The following CDC42SE1 variants were observed in gnomAD, a reference collection of about 807,000 sequenced individuals.
The protein encoded by CDC42SE1 is CDC42 small effector protein 1.
A neutral mutation model predicts 10.9 loss-of-function variants in CDC42SE1; 10 were observed. The observed-to-expected ratio is 0.92, with a 90% CI of 0.57 to 1.56. The LOEUF (loss-of-function observed/expected upper bound fraction) is 1.56, where lower values mean the gene tolerates loss of function less well. Among genes scored for constraint, CDC42SE1 ranks in the 40% most tolerant of loss-of-function variants. The pLI is 0.00. For missense variants in CDC42SE1, 81 were observed against 100.8 expected, an observed-to-expected ratio of 0.80 and a Z score of 0.84; for synonymous variants, 24 against 32.0, an observed-to-expected ratio of 0.75 and a Z score of 0.85.
intron 2 of CDC42SE1, chr1:151,055,432 C>T (rs759564527): frequency 3.0e-5 from 18 of 600,668 alleles, no homozygotes; most frequent in Non-Finnish European, 4.4e-5. Context: ...TATGCAGCTC[C>T]ACCTACAAAC....
rs1676212879 is a variant in CDC42SE1 at position 151,053,087 on chromosome 1, C to T, written c.*257G>A. 1.3e-5 allele frequency: 2 copies of T among 152,742 alleles called. No homozygotes were observed. The highest frequency in any genetic ancestry group is 2.9e-5 in the Non-Finnish European group (2 of 68,118). The allele number at this position is 152,742 out of a possible 1,614,324, so 9.5% of individuals were successfully genotyped here. A position where few individuals can be genotyped will look rare whatever the true frequency, so the allele number is the denominator to read the frequency against. On this transcript the variant is annotated 3_prime_UTR_variant, in exon 5 of 5. Transcript: ENST00000357235. ...ATCTCAGACCTGAGGGTTTCCAGGG[C>T]TTCAGCTGAGCTCCTCTGGCTAACC... is the stretch of plus-strand genomic sequence containing the variant.
At chr1:151,053,830 A>T (rs1402532790) in intron 4 of CDC42SE1, among the ~76,000 whole-genome samples, 2 of 146,290 alleles carry the variant, frequency 1.4e-5, no homozygotes, top group Non-Finnish European at 3.0e-5. Context: ...CCTATCTCCC[A>T]TTCTTTTTTT....
rs1197315153 is a variant in CDC42SE1, at chr1:151,057,292, T to C, written c.-263-1299A>G. 1.3e-5 allele frequency among the ~76,000 whole-genome samples: 2 copies of C among 151,974 alleles called. No individual in the cohort carries two copies. The highest frequency in any genetic ancestry group is 2.4e-5 in the African/African-American group (1 of 41,386). On this transcript the variant is annotated intron_variant, in intron 1 of 4. Coordinates refer to ENST00000357235, the MANE Select transcript of CDC42SE1 (RefSeq NM_020239.4). This position sits in a 1 kb window ranked among gnomAD's most constrained non-coding sequence, Gnocchi z 4.0. The stretch of plus-strand genomic sequence containing the variant: ...ATCCCAGCACTTTGGGAGGCCAAGG[T>C]GGGCGGATCACCTGAGGTCAGGAGT...
rs1175088934 is a variant in CDC42SE1, at chr1:151,059,501, C to T, written c.-286G>A. 3 of 152,442 alleles carry T rather than the reference C, an allele frequency of 2.0e-5. No homozygotes were observed. The highest frequency in any genetic ancestry group is 4.8e-5 in the African/African-American group (2 of 41,464). 9.4% of individuals were successfully genotyped at this position (152,442 alleles called of 1,614,324 possible). On this transcript the variant is annotated 5_prime_UTR_variant, in exon 1 of 5. Transcript: ENST00000357235. ...CACCTGCTCTTCTCCACCATCCAGA[C>T]GTTCAGCTACAGCTGGTGGGGGTGA...
chr1:151,056,132 A>C (rs1676273383), intron 1 of CDC42SE1, 139 bp from the exon 2 acceptor site: 1 of 195,112 alleles, frequency 5.1e-6, no homozygotes. Flanking sequence ...CTCATTCCCA[A>C]ACACTATGAA....
Position 151,051,393 on chromosome 1 carries a change from GAAAAAAA to G in CDC42SE1, c.*1944_*1950del, listed in dbSNP as rs71702880. ...AATGGCAGAAAATACATGGAAATTT[GAAAAAAA>G]AAAAAAAAAAAAAAAAAAAAGAACC... On this transcript the variant is annotated 3_prime_UTR_variant, in exon 5 of 5. Coordinates refer to ENST00000357235, the MANE Select transcript of CDC42SE1 (RefSeq NM_020239.4). The G allele has an allele frequency of 2.1e-4, 7 of 34,098 alleles. No individual in the cohort carries two copies. Among genetic ancestry groups the G allele is most frequent in the South Asian group, 1.9e-3 (1 of 514 alleles). The allele number at this position is 34,098 out of a possible 1,614,324, so 2.1% of individuals were successfully genotyped here. A position where few individuals can be genotyped will look rare whatever the true frequency, so the allele number is the denominator to read the frequency against.
At chr1:151,055,472 G>A (rs1006643717) in intron 2 of CDC42SE1, 7 of 616,382 alleles carry the variant, frequency 1.1e-5, no homozygotes, top group Admixed American at 2.7e-5. Context: ...ACAGGAACAG[G>A]AGGTAATAGC....
chr1:151,051,508 C>CCA lies in CDC42SE1; in HGVS notation c.*1834_*1835dup, dbSNP rs1292367967. ...GATACCAGTTCCTACATTCCTGACC[C>CCA]CACTACCATAAAACAGGATGTTTCC... On this transcript the variant is annotated 3_prime_UTR_variant, in exon 5 of 5. Transcript: ENST00000357235. 1 of 151,402 alleles carries CCA rather than the reference C, an allele frequency of 6.6e-6. No individual in the cohort carries two copies. The highest frequency in any genetic ancestry group is 6.7e-5 in the Admixed American group (1 of 15,012). 9.4% of individuals were successfully genotyped at this position (151,402 alleles called of 1,614,324 possible).
rs1272285984 is a variant in CDC42SE1, at chr1:151,055,062, G to A, written c.119C>T (p.Thr40Ile). 3.7e-6 allele frequency: 6 copies of A among 1,613,818 alleles called. No homozygotes were observed. In the South Asian group the frequency reaches 6.6e-5, roughly 18 times the overall value. Residue 40 changes from threonine (T) to isoleucine (I), a missense_variant, in exon 3 of 5, where the codon ACT (threonine) becomes ATT (isoleucine). Physicochemically the swap from Thr to Ile is moderately conservative, Grantham distance 89. Coordinates refer to ENST00000357235, the MANE Select transcript of CDC42SE1 (RefSeq NM_020239.4). ...CCCCATCTCCCCTGAGCCAATGTGA[G>A]TCAGGTGAACAAAATTCATTGGTTC... is the stretch of plus-strand genomic sequence containing the variant. ...IGEPMNFVHL[T>I]HIGSGEMGAG... is the part of the protein sequence containing the mutation.
At chr1:151,054,794 C>A (rs1676248339) in intron 3 of CDC42SE1, among the ~76,000 whole-genome samples, 1 of 152,080 alleles carries the variant, frequency 6.6e-6, no homozygotes, top group Non-Finnish European at 1.5e-5. Flanking sequence ...ATACCCCCTA[C>A]CCCAGTGAAG....
chr1:151,053,403 C>T (rs772140163), intron 4 of CDC42SE1, 76 bp from the exon 5 acceptor site: 1 of 152,302 alleles, frequency 6.6e-6, no homozygotes, highest in East Asian at 1.9e-4. Flanking sequence ...AAGGCACTAC[C>T]TAGTGCAGAC....
At chr1:151,055,544 C>A in intron 2 of CDC42SE1, 133 bp downstream of exon 2, 1 of 750,858 alleles carries the variant, frequency 1.3e-6, no homozygotes, top group South Asian at 1.5e-5. Context: ...GCTGCCTGAC[C>A]ATAGAAGCTC....
Position 151,052,298 on chromosome 1 carries a change from C to T in CDC42SE1, c.*1046G>A, listed in dbSNP as rs947038005. 5 of 152,358 alleles carry T rather than the reference C, an allele frequency of 3.3e-5. No individual in the cohort carries two copies. The highest frequency in any genetic ancestry group is 7.3e-5 in the Non-Finnish European group (5 of 68,038). The allele number at this position is 152,358 out of a possible 1,614,324, so 9.4% of individuals were successfully genotyped here. A position where few individuals can be genotyped will look rare whatever the true frequency, so the allele number is the denominator to read the frequency against. On this transcript the variant is annotated 3_prime_UTR_variant, in exon 5 of 5. Transcript: ENST00000357235. The stretch of plus-strand genomic sequence containing the variant: ...TCAGCCCAAAATGTCAAAGGCATCT[C>T]GGTTGTGAAACCTTGTTCTAGAGCC...
intron 3 of CDC42SE1, 89 bp downstream of exon 3, chr1:151,054,927 T>C: frequency 1.0e-6 from 1 of 977,220 alleles, no homozygotes; most frequent in South Asian, 1.4e-5. Flanking sequence ...CCATTGAGTA[T>C]TTTCATATGT....
chr1:151,055,956 G>A lies in CDC42SE1; in HGVS notation c.-226C>T. The A allele has an allele frequency of 1.7e-6, 1 of 571,820 alleles. No individual in the cohort carries two copies. The highest frequency in any genetic ancestry group is 3.1e-6 in the Non-Finnish European group (1 of 318,694). 35.4% of individuals were successfully genotyped at this position (571,820 alleles called of 1,614,324 possible). ...ACAGGACCAGAGAGAGAGGTGGGCA[G>A]GCAGGCACAAGGTTATGTCTTCCTC... On this transcript the variant is annotated 5_prime_UTR_variant, in exon 2 of 5. Coordinates refer to ENST00000357235, the MANE Select transcript of CDC42SE1 (RefSeq NM_020239.4).
chr1:151,054,983 C>T, intron 3 of CDC42SE1, 33 bp downstream of exon 3: 1 of 1,453,578 alleles, frequency 6.9e-7, no homozygotes. Context: ...TAGACCTCAC[C>T]CCTGTATCAA....
At chr1:151,053,672 G>A (rs1035658320) in intron 4 of CDC42SE1, among the ~76,000 whole-genome samples, 2 of 152,076 alleles carry the variant, frequency 1.3e-5, no homozygotes, top group African/African-American at 4.8e-5. Flanking sequence ...AGTAGAGACA[G>A]GGGTTCACCA....
At position 151,057,696 on chromosome 1, in the gene CDC42SE1, AACAC is replaced by A. The variant is rs57815937; in HGVS notation, c.-263-1707_-263-1704del. ...GGACAAGACCCTGTCTCAAATACAA[AACAC>A]ACACACACACACACACACACACACA... On this transcript the variant is annotated intron_variant, in intron 1 of 4. Transcript: ENST00000357235. The surrounding 1 kb of genome is among the most constrained non-coding windows in gnomAD (Gnocchi z 4.0). 9,998 of 138,270 alleles carry A rather than the reference AACAC, an allele frequency of 0.072. 530 individuals are homozygous for A. The highest frequency in any genetic ancestry group is 0.15 in the African/African-American group (5,434 of 35,820). The allele number at this position is 138,270 out of a possible 1,614,324, so 8.6% of individuals were successfully genotyped here. A position where few individuals can be genotyped will look rare whatever the true frequency, so the allele number is the denominator to read the frequency against.
chr1:151,056,296 A>C (rs1159214342), intron 1 of CDC42SE1, among the ~76,000 whole-genome samples: 3 of 152,166 alleles, frequency 2.0e-5, no homozygotes, highest in Admixed American at 6.5e-5. Context: ...AGAAATTAGC[A>C]AAGTTTGGGG....
Sources: allele counts gnomAD v4.1 joint callset (sites outside exome capture counted in the v4.1 genomes callset), GRCh38; gene constraint gnomAD v4.1.1; non-coding constraint Gnocchi (gnomAD v3.1); transcripts MANE v1.5; gene names NCBI Gene and HGNC (gene_info 2026-07-23, HGNC 2026-07-21).